The following R3HCC1L variants were observed in gnomAD, a reference collection of about 807,000 sequenced individuals.
R3HCC1L encodes R3H domain and coiled-coil containing 1 like.
Under a neutral mutation model 59.9 loss-of-function variants are expected in R3HCC1L, and 51 were observed. The ratio of observed to expected loss-of-function variants is 0.85; its 90% CI spans 0.68 to 1.07. The LOEUF (loss-of-function observed/expected upper bound fraction) is 1.07. R3HCC1L is among the 50% of genes least tolerant of loss of function. The probability of loss-of-function intolerance (pLI) is 0.00; values close to 1 mark genes in which losing one functional copy is unlikely to be tolerated. For synonymous variants in R3HCC1L, 322 were observed against 315.2 expected, an observed-to-expected ratio of 1.02 and a Z score of -0.23; for missense variants, 965 against 933.0, an observed-to-expected ratio of 1.03 and a Z score of -0.45.
chr10:98,208,974 A>T lies in R3HCC1L; in HGVS notation c.860A>T (p.Glu287Val), dbSNP rs550691601. 3 of 1,614,050 alleles carry T rather than the reference A, an allele frequency of 1.9e-6. No homozygotes were observed. Among genetic ancestry groups the T allele is most frequent in the African/African-American group, 2.7e-5 (2 of 75,044 alleles). ...CAAACTTGCGTAGATTTTGAAGTTG[A>T]GAGTGTAGGTGGTATAGCCAATAGT... is the stretch of plus-strand genomic sequence containing the variant. The part of the protein sequence containing the change: ...FDQTCVDFEV[E>V]SVGGIANSTG... The change falls in exon 5 of 10, where the codon GAG becomes GTG. Residue 287 changes from glutamate to valine, a missense_variant. By Grantham distance (121) the Glu-to-Val change is moderately radical (BLOSUM62 -2). Coordinates refer to ENST00000298999, the MANE Select transcript of R3HCC1L (RefSeq NM_001351015.2).
At chr10:98,207,979 C>A in intron 4 of R3HCC1L, 122 bp from the exon 5 acceptor site, 2 of 898,806 alleles carry the variant, frequency 2.2e-6, no homozygotes, top group Admixed American at 2.9e-5. Context: ...GAGCTGAGAT[C>A]GCTCCACTGT....
At chr10:98,151,496 T>G (rs1280708040) in intron 1 of R3HCC1L, among the ~76,000 whole-genome samples, 3 of 152,224 alleles carry the variant, frequency 2.0e-5, no homozygotes, top group Admixed American at 2.0e-4. Flanking sequence ...GCAACTACTA[T>G]TATTGTTTCT....
intron 5 of R3HCC1L, among the ~76,000 whole-genome samples, chr10:98,224,176 A>T (rs963974835): frequency 6.6e-6 from 1 of 151,930 alleles, no homozygotes; most frequent in African/African-American, 2.4e-5. Flanking sequence ...TGCATGAGTG[A>T]CAGGTGGGCA....
At chr10:98,231,477 T>C (rs1292723624) in intron 5 of R3HCC1L, 35 bp from the exon 6 acceptor site, 5 of 1,581,592 alleles carry the variant, frequency 3.2e-6, no homozygotes, top group African/African-American at 2.7e-5. Context: ...CCAGGTTTAA[T>C]GTAACCGGCA....
chr10:98,146,306 C>G (rs969745270), intron 1 of R3HCC1L, among the ~76,000 whole-genome samples: 9 of 152,086 alleles, frequency 5.9e-5, no homozygotes, highest in African/African-American at 1.9e-4. Flanking sequence ...GTAGGGATAT[C>G]CGTCACCTTA....
intron 5 of R3HCC1L, among the ~76,000 whole-genome samples, chr10:98,218,326 CA>C (rs2135415943): frequency 6.6e-6 from 1 of 150,998 alleles, no homozygotes; most frequent in African/African-American, 2.4e-5. Context: ...CAAAAATCAA[CA>C]AAATACTAGT....
At chr10:98,236,419 T>C (rs1477579476) in intron 9 of R3HCC1L, among the ~76,000 whole-genome samples, 2 of 152,202 alleles carry the variant, frequency 1.3e-5, no homozygotes, top group Non-Finnish European at 2.9e-5. Flanking sequence ...TCTTCTCAGC[T>C]CATCCATGGC....
rs550166280 is a variant in R3HCC1L at position 98,152,957 on chromosome 10, C to T, written c.-267-3136C>T. 4.7e-5 allele frequency among the ~76,000 whole-genome samples: 7 copies of T among 149,790 alleles called. No homozygotes were observed. In the South Asian group the frequency reaches 1.5e-3, roughly 32 times the overall value. On this transcript the variant is annotated intron_variant, in intron 1 of 9. Coordinates refer to ENST00000298999, the MANE Select transcript of R3HCC1L (RefSeq NM_001351015.2). ...TCCGGGAGAGAGGTGGGGGGTCAGC[C>T]CCCACCCAGCCAGCCGCCCTGTCCG...
At chr10:98,145,396 G>A (rs779818890) in intron 1 of R3HCC1L, among the ~76,000 whole-genome samples, 29 of 152,332 alleles carry the variant, frequency 1.9e-4, no homozygotes, top group Non-Finnish European at 3.2e-4. Flanking sequence ...AGTGTACTGT[G>A]TCATTGATAG....
chr10:98,146,907 C>T (rs1463344167), intron 1 of R3HCC1L, among the ~76,000 whole-genome samples: 1 of 152,122 alleles, frequency 6.6e-6, no homozygotes, highest in Non-Finnish European at 1.5e-5. Flanking sequence ...GATTTCCTTT[C>T]TTTTGGATAT....
At chr10:98,180,656 A>G (rs977519868) in intron 4 of R3HCC1L, among the ~76,000 whole-genome samples, 2 of 152,222 alleles carry the variant, frequency 1.3e-5, no homozygotes, top group African/African-American at 2.4e-5. Flanking sequence ...TGATATTGAC[A>G]GTGGGATGTT....
intron 7 of R3HCC1L, among the ~76,000 whole-genome samples, chr10:98,234,735 G>A (rs1384410636): frequency 6.6e-6 from 1 of 152,138 alleles, no homozygotes; most frequent in African/African-American, 2.4e-5. Flanking sequence ...ACCTTCCAAG[G>A]TTATTTGTAC....
chr10:98,215,399 CAT>C (rs1590745837), intron 5 of R3HCC1L, among the ~76,000 whole-genome samples: 1 of 144,580 alleles, frequency 6.9e-6, no homozygotes, highest in Admixed American at 6.7e-5. Context: ...CCTAATTAGA[CAT>C]AAATTTTTTT....
chr10:98,242,909 C>T (rs933906926), intron 9 of R3HCC1L, among the ~76,000 whole-genome samples: 5 of 152,224 alleles, frequency 3.3e-5, no homozygotes, highest in African/African-American at 1.2e-4. Context: ...CAGTGCAGTT[C>T]AAGGCCTGCC....
At chr10:98,194,902 A>G (rs1467394228) in intron 4 of R3HCC1L, among the ~76,000 whole-genome samples, 2 of 152,184 alleles carry the variant, frequency 1.3e-5, no homozygotes, top group African/African-American at 2.4e-5. Context: ...TATGGAAAAC[A>G]TATGGAAATT....
At chr10:98,169,321 A>G (rs971112217) in intron 4 of R3HCC1L, among the ~76,000 whole-genome samples, 4 of 152,186 alleles carry the variant, frequency 2.6e-5, no homozygotes, top group African/African-American at 9.7e-5. Flanking sequence ...TGAAATCCTA[A>G]CCAACACTTA....
intron 4 of R3HCC1L, among the ~76,000 whole-genome samples, chr10:98,203,101 A>G (rs1422435724): frequency 2.0e-5 from 3 of 152,220 alleles, no homozygotes; most frequent in Admixed American, 2.0e-4. Flanking sequence ...ATTAGTGTTA[A>G]ATATGCTGAC....
rs565122200 is a variant in R3HCC1L, at chr10:98,244,468, A to G, written c.*310A>G. ...CATGTTAGCGTGGGTCACACTTCCA[A>G]GATATTTAAAGCAAATACAAAACAG... On this transcript the variant is annotated 3_prime_UTR_variant, in exon 10 of 10. Transcript: ENST00000298999. 19 of 257,358 alleles carry G rather than the reference A, an allele frequency of 7.4e-5. No individual in the cohort carries two copies. In the South Asian group the frequency reaches 1.0e-3, roughly 14 times the overall value. 15.9% of individuals were successfully genotyped at this position (257,358 alleles called of 1,614,324 possible).
intron 9 of R3HCC1L, among the ~76,000 whole-genome samples, chr10:98,243,022 T>C (rs1857712423): frequency 1.3e-5 from 2 of 152,352 alleles, no homozygotes; most frequent in South Asian, 4.1e-4. Flanking sequence ...TGCCACAAGA[T>C]GGTGCCCAAA....
Sources: allele counts gnomAD v4.1 joint callset (sites outside exome capture counted in the v4.1 genomes callset), GRCh38; gene constraint gnomAD v4.1.1; transcripts MANE v1.5; gene names NCBI Gene and HGNC (gene_info 2026-07-23, HGNC 2026-07-21).